Variants in ZNF771 observed in about 807,000 individuals in gnomAD.
The protein encoded by ZNF771 is zinc finger protein 771, also known as mesenchymal stem cell protein DSC43.
A neutral mutation model predicts 27.6 loss-of-function variants in ZNF771; 10 were observed. That is an observed-to-expected ratio of 0.36 (90% confidence interval 0.22 to 0.61). ZNF771 has a LOEUF of 0.61. ZNF771 is among the 20% of genes least tolerant of loss of function. The pLI is 0.70. For synonymous variants in ZNF771, 261 were observed against 225.2 expected, an observed-to-expected ratio of 1.16 and a Z score of -1.43; for missense variants, 438 against 503.7, an observed-to-expected ratio of 0.87 and a Z score of 1.25.
In ZNF771 at chr16:30,408,181, T is replaced by G. The variant is rs200450867; in HGVS notation, c.128T>G (p.Met43Arg). 144 of 1,613,632 alleles carry G rather than the reference T, an allele frequency of 8.9e-5. No homozygotes were observed. The highest frequency in any genetic ancestry group is 1.1e-4 in the Non-Finnish European group (134 of 1,179,772). ...GAGGTGGTGAAACTCAAGATCCCCA[T>G]GGACAACAAGGAGGTATGTGTCACA... The part of the protein sequence containing the change: ...KYEVVKLKIP[M>R]DNKEVPGEAP... The change falls in exon 2 of 3, where the codon ATG becomes AGG. Residue 43 changes from methionine (M) to arginine (R), a missense_variant. Met to Arg is a moderately conservative substitution (Grantham distance 91). This residue lies in a region of ZNF771 where 84 missense variants were observed against 89.2 expected (regional missense o/e 0.94). Coordinates refer to ENST00000319296, the MANE Select transcript of ZNF771 (RefSeq NM_001142305.2).
Position 30,418,983 on chromosome 16 carries a change from C to G in ZNF771, c.*616C>G, listed in dbSNP as rs552479293. The stretch of plus-strand genomic sequence containing the variant: ...GCGCACAGTGACTCACGCCTGTAAT[C>G]CCAGCACTTTGGGAGGGCGAGGCTA... On this transcript the variant is annotated 3_prime_UTR_variant, in exon 3 of 3. Coordinates refer to ENST00000319296, the MANE Select transcript of ZNF771 (RefSeq NM_001142305.2). The G allele has an allele frequency of 6.6e-6, 1 of 152,294 alleles. No individual in the cohort carries two copies. Among genetic ancestry groups the G allele is most frequent in the South Asian group, 2.1e-4 (1 of 4,846 alleles). The allele number at this position is 152,294 out of a possible 1,614,324, so 9.4% of individuals were successfully genotyped here.
intron 2 of ZNF771, chr16:30,414,463 G>C (rs367710508): frequency 1.3e-5 from 2 of 152,120 alleles, no homozygotes; most frequent in East Asian, 3.9e-4. Context: ...CTCAGCCTCA[G>C]CTTTCTCAGC....
At chr16:30,410,578 G>C (rs2050098669) in intron 2 of ZNF771, among the ~76,000 whole-genome samples, 1 of 152,106 alleles carries the variant, frequency 6.6e-6, no homozygotes, top group South Asian at 2.1e-4. Context: ...GCACATGGAG[G>C]AGGAGGAAGG....
At chr16:30,410,166 C>T (rs1354142218) in intron 2 of ZNF771, among the ~76,000 whole-genome samples, 2 of 151,190 alleles carry the variant, frequency 1.3e-5, no homozygotes, top group Non-Finnish European at 2.9e-5. Flanking sequence ...TGCAGTGGCG[C>T]AATCTTGGTT....
chr16:30,415,093 G>A (rs2050126753), intron 2 of ZNF771, among the ~76,000 whole-genome samples: 2 of 151,110 alleles, frequency 1.3e-5, no homozygotes. Flanking sequence ...GAGTAGGTGG[G>A]ATTACAGGCA....
rs1222109221 is a variant in ZNF771, at chr16:30,417,719, G to C, written c.306G>C (p.Gln102His). 1 of 1,391,210 alleles carries C rather than the reference G, an allele frequency of 7.2e-7. No homozygotes were observed. The highest frequency in any genetic ancestry group is 9.3e-7 in the Non-Finnish European group (1 of 1,076,696). 86.2% of individuals were successfully genotyped at this position (1,391,210 alleles called of 1,614,324 possible). The change falls in exon 3 of 3, where the codon CAG becomes CAC. Residue 102 changes from glutamine to histidine, a missense_variant. By Grantham distance (24) the Gln-to-His change is conservative. Transcript: ENST00000319296. The part of the protein sequence containing the change: ...GCTECGRRFS[Q>H]KSALTKHGRT... Reference sequence around the variant, plus strand: ...CCGAGTGCGGGCGGCGCTTCTCACAGAAGTCGGCGCTGACCAAACACGGCC... The same window carrying C: ...CCGAGTGCGGGCGGCGCTTCTCACACAAGTCGGCGCTGACCAAACACGGCC...
intron 2 of ZNF771, among the ~76,000 whole-genome samples, chr16:30,413,303 T>C (rs760734515): frequency 9.9e-5 from 15 of 152,226 alleles, no homozygotes; most frequent in Non-Finnish European, 2.1e-4. Flanking sequence ...AATGATCACC[T>C]AGTCTGGTAT....
intron 2 of ZNF771, among the ~76,000 whole-genome samples, chr16:30,413,167 T>C (rs1214089983): frequency 1.3e-5 from 2 of 152,132 alleles, no homozygotes; most frequent in African/African-American, 2.4e-5. Context: ...TAACTTCTAA[T>C]ACCTGGATTA....
intron 2 of ZNF771, among the ~76,000 whole-genome samples, chr16:30,415,571 C>T (rs1567441549): frequency 1.3e-5 from 2 of 151,842 alleles, no homozygotes; most frequent in South Asian, 2.1e-4. Flanking sequence ...GTAGTAGAGA[C>T]GGGGTTTCAA....
At chr16:30,407,995 G>GA in intron 1 of ZNF771, 50 bp from the exon 2 acceptor site, 7 of 902,908 alleles carry the variant, frequency 7.8e-6, no homozygotes, top group Non-Finnish European at 1.1e-5. Flanking sequence ...GGCGGGGGGG[G>GA]GGGTGGGGGG....
chr16:30,412,716 C>T (rs537698987), intron 2 of ZNF771, among the ~76,000 whole-genome samples: 3 of 151,822 alleles, frequency 2.0e-5, no homozygotes, highest in East Asian at 1.9e-4. Context: ...TGCTTTAGCC[C>T]GGGAAGTCAA....
Position 30,417,917 on chromosome 16 carries a change from G to A in ZNF771, c.504G>A (p.Val168=). The A allele has an allele frequency of 6.6e-7, 1 of 1,519,220 alleles. No individual in the cohort carries two copies. The highest frequency in any genetic ancestry group is 8.7e-7 in the Non-Finnish European group (1 of 1,143,138). The allele number at this position is 1,519,220 out of a possible 1,614,324, so 94.1% of individuals were successfully genotyped here. ...CCAACTACGCACAGCACCTGCGCGT[G>A]CACACGGGCGAGAAGCCGTACGCGT... is the stretch of plus-strand genomic sequence containing the variant. ...QSSNYAQHLR[V]HTGEKPYACP... Residue 168 remains valine, a synonymous_variant, in exon 3 of 3, where the codon GTG becomes GTA. Coordinates refer to ENST00000319296, the MANE Select transcript of ZNF771 (RefSeq NM_001142305.2).
At chr16:30,411,279 G>A (rs1056834964) in intron 2 of ZNF771, among the ~76,000 whole-genome samples, 7 of 147,508 alleles carry the variant, frequency 4.7e-5, no homozygotes, top group Non-Finnish European at 6.0e-5. Flanking sequence ...AGATTGCACC[G>A]CTGCACTCCA....
At chr16:30,417,469 C>A in intron 2 of ZNF771, 86 bp from the exon 3 acceptor site, 1 of 943,140 alleles carries the variant, frequency 1.1e-6, no homozygotes, top group Non-Finnish European at 1.4e-6. Context: ...GGAACTGAGG[C>A]TCACAGAGGG....
In ZNF771 at chr16:30,418,680, G is replaced by C. The variant is rs536575282; in HGVS notation, c.*313G>C. 366 of 354,460 alleles carry C rather than the reference G, an allele frequency of 1.0e-3. 1 individual carries two copies. Among genetic ancestry groups the C allele is most frequent in the Non-Finnish European group, 1.4e-3 (280 of 198,132 alleles). 22.0% of individuals were successfully genotyped at this position (354,460 alleles called of 1,614,324 possible). On this transcript the variant is annotated 3_prime_UTR_variant, in exon 3 of 3. Transcript: ENST00000319296. ...CTCAGGTGCCAAGTGAGTTGTCAAGGAACCAAATGGGGATGTAAACCTAAA... is the reference window on the plus strand; with the variant it reads ...CTCAGGTGCCAAGTGAGTTGTCAAGCAACCAAATGGGGATGTAAACCTAAA...
At chr16:30,408,784 G>T (rs899998411) in intron 2 of ZNF771, among the ~76,000 whole-genome samples, 4 of 152,102 alleles carry the variant, frequency 2.6e-5, no homozygotes, top group South Asian at 2.1e-4. Flanking sequence ...TGGGGTGATG[G>T]ACCCAGTCAG....
At position 30,418,014 on chromosome 16, in the gene ZNF771, C is replaced by A. The variant is rs1330346980; in HGVS notation, c.601C>A (p.Arg201=). The A allele has an allele frequency of 2.8e-6, 4 of 1,454,098 alleles. No homozygotes were observed. The highest frequency in any genetic ancestry group is 3.6e-6 in the Non-Finnish European group (4 of 1,113,626). 90.1% of individuals were successfully genotyped at this position (1,454,098 alleles called of 1,614,324 possible). ...ARHRRTHTGE[R]PYACADCGTR... ...CCACCGACGCACGCACACGGGCGAG[C>A]GGCCCTACGCTTGCGCCGACTGCGG... The change falls in exon 3 of 3, where the codon CGG becomes AGG. Residue 201 remains arginine, a synonymous_variant. Coordinates refer to ENST00000319296, the MANE Select transcript of ZNF771 (RefSeq NM_001142305.2).
chr16:30,416,231 C>G (rs1047328685), intron 2 of ZNF771, among the ~76,000 whole-genome samples: 16 of 152,166 alleles, frequency 1.1e-4, no homozygotes, highest in African/African-American at 3.6e-4. Flanking sequence ...GTCTGCCCAT[C>G]CCCTGGATGA....
chr16:30,415,797 G>A (rs2050131020), intron 2 of ZNF771, among the ~76,000 whole-genome samples: 1 of 152,180 alleles, frequency 6.6e-6, no homozygotes, highest in African/African-American at 2.4e-5. Context: ...ATATGCCCCA[G>A]GCACTTCATT....
Sources: gnomAD v4.1 joint callset for allele counts (sites outside exome capture counted in the v4.1 genomes callset) on GRCh38, gnomAD v4.1.1 for gene constraint, gnomAD v4.1.1 regional missense constraint, MANE v1.5 for transcripts, NCBI Gene and HGNC (gene_info 2026-07-23, HGNC 2026-07-21) for gene names.